ABCD2: variants seen among roughly 807,000 people sequenced by gnomAD.
ABCD2 encodes ATP-binding cassette sub-family D member 2.
Under a neutral mutation model 70.9 loss-of-function variants are expected in ABCD2, and 36 were observed. The ratio of observed to expected loss-of-function variants is 0.51; its 90% CI spans 0.39 to 0.67. The LOEUF (loss-of-function observed/expected upper bound fraction) is 0.67, where lower values mean the gene tolerates loss of function less well. Ranked by LOEUF, ABCD2 falls within the 30% of genes least tolerant of loss-of-function variation. The pLI, the probability that ABCD2 is intolerant of heterozygous loss-of-function variation, is 0.00. For missense variants in ABCD2, 729 were observed against 890.2 expected (o/e 0.82, Z 2.30); for synonymous variants, 304 against 306.9 (o/e 0.99, Z 0.10).
At chr12:39,606,381 G>A (rs1171721694) in intron 3 of ABCD2, among the ~76,000 whole-genome samples, 1 of 152,144 alleles carries the variant, frequency 6.6e-6, no homozygotes, top group Non-Finnish European at 1.5e-5. Context: ...ATTTTTAGAA[G>A]TGAACATTTT....
downstream of ABCD2, among the ~76,000 whole-genome samples, chr12:39,546,672 T>A (rs1941028131): frequency 6.6e-6 from 1 of 152,032 alleles, no homozygotes; most frequent in Non-Finnish European, 1.5e-5. Flanking sequence ...AGATACATGA[T>A]AAAAGGTAGC....
chr12:39,539,212 G>A, the ABCD2 span, among the ~76,000 whole-genome samples: 1 of 152,178 alleles, frequency 6.6e-6, no homozygotes, highest in Non-Finnish European at 1.5e-5. Context: ...TAACTCTAAA[G>A]AGGGTGGTGA....
At position 39,550,488 on chromosome 12, in the gene ABCD2, C is replaced by A. The variant is rs947344063; in HGVS notation, c.*3424G>T. On this transcript the variant is annotated 3_prime_UTR_variant, in exon 10 of 10. Transcript: ENST00000308666. ...ATACAATTCTGGCTTATAAATAGACCATTGGTTTTGAAAATTTCACAATAT... is the reference window on the plus strand; with the variant it reads ...ATACAATTCTGGCTTATAAATAGACAATTGGTTTTGAAAATTTCACAATAT... 1.3e-4 allele frequency: 20 copies of A among 151,636 alleles called. No individual in the cohort carries two copies. The highest frequency in any genetic ancestry group is 4.6e-4 in the African/African-American group (19 of 41,374). 9.4% of individuals were successfully genotyped at this position (151,636 alleles called of 1,614,324 possible).
Position 39,553,856 on chromosome 12 carries a change from CAG to C in ABCD2, c.*54_*55del. 1 of 1,321,906 alleles carries C rather than the reference CAG, an allele frequency of 7.6e-7. No individual in the cohort carries two copies. Among genetic ancestry groups the C allele is most frequent in the Non-Finnish European group, 1.1e-6 (1 of 952,288 alleles). The allele number at this position is 1,321,906 out of a possible 1,614,324, so 81.9% of individuals were successfully genotyped here. On this transcript the variant is annotated 3_prime_UTR_variant, in exon 10 of 10. Coordinates refer to ENST00000308666, the MANE Select transcript of ABCD2 (RefSeq NM_005164.4). ...GCTTAACATACTTCATGCAGTATAA[CAG>C]AATGTCTTTGAGCCTTTATCTAATA...
intron 9 of ABCD2, among the ~76,000 whole-genome samples, chr12:39,560,018 T>G (rs1046567712): frequency 2.0e-4 from 30 of 152,226 alleles, no homozygotes; most frequent in African/African-American, 7.0e-4. Flanking sequence ...CTTATTTCTT[T>G]TTTTTATTAT....
chr12:39,575,351 G>C (rs1941501903), intron 8 of ABCD2, among the ~76,000 whole-genome samples: 1 of 152,086 alleles, frequency 6.6e-6, no homozygotes, highest in East Asian at 1.9e-4. Context: ...GGCAGGGCTG[G>C]TGTGTGTCTG....
At chr12:39,616,474 C>T (rs1169842847) in intron 2 of ABCD2, among the ~76,000 whole-genome samples, 1 of 151,996 alleles carries the variant, frequency 6.6e-6, no homozygotes, top group South Asian at 2.1e-4. Flanking sequence ...AGCAGAGGAG[C>T]CCTTATTCCA....
intron 9 of ABCD2, among the ~76,000 whole-genome samples, chr12:39,563,267 G>A (rs1285503049): frequency 6.6e-6 from 1 of 152,152 alleles, no homozygotes; most frequent in Non-Finnish European, 1.5e-5. Context: ...GCTCATGCCT[G>A]TAAATCTTAG....
Position 39,552,738 on chromosome 12 carries a change from TAA to T in ABCD2, c.*1172_*1173del, listed in dbSNP as rs1423709782. 1 of 151,944 alleles carries T rather than the reference TAA, an allele frequency of 6.6e-6. No homozygotes were observed. Among genetic ancestry groups the T allele is most frequent in the Non-Finnish European group, 1.5e-5 (1 of 67,878 alleles). 9.4% of individuals were successfully genotyped at this position (151,944 alleles called of 1,614,324 possible). On this transcript the variant is annotated 3_prime_UTR_variant, in exon 10 of 10. Transcript: ENST00000308666. ...CTTGTAAACAATAACCAAATAACAA[TAA>T]GACTAACATTATGAAATTTATTTTA...
At chr12:39,534,754 A>AAAG in the ABCD2 span, among the ~76,000 whole-genome samples, 1 of 95,356 alleles carries the variant, frequency 1.0e-5, no homozygotes, top group African/African-American at 3.7e-5. Context: ...GAAGGAAAGA[A>AAAG]AGAAAGAGAA....
chr12:39,567,704 C>A (rs184007112), intron 9 of ABCD2, among the ~76,000 whole-genome samples: 5 of 152,298 alleles, frequency 3.3e-5, no homozygotes, highest in Non-Finnish European at 7.3e-5. Flanking sequence ...TTAGTTGATG[C>A]AATTTCTTCC....
At chr12:39,594,339 T>C (rs1169354690) in intron 6 of ABCD2, among the ~76,000 whole-genome samples, 1 of 133,960 alleles carries the variant, frequency 7.5e-6, no homozygotes, top group Non-Finnish European at 1.5e-5. Context: ...TACAGAAAAA[T>C]AAGAAACTTA....
intron 9 of ABCD2, among the ~76,000 whole-genome samples, chr12:39,562,632 T>C (rs899288350): frequency 7.9e-5 from 12 of 152,082 alleles, no homozygotes; most frequent in African/African-American, 2.7e-4. Context: ...GATTGAACTA[T>C]GAAGAAACAG....
chr12:39,575,831 C>T (rs1315811163), intron 8 of ABCD2, among the ~76,000 whole-genome samples: 1 of 152,200 alleles, frequency 6.6e-6, no homozygotes, highest in East Asian at 1.9e-4. Flanking sequence ...TTTCTTTCCA[C>T]TGATATACTT....
chr12:39,588,973 A>G (rs1941705421), intron 6 of ABCD2, among the ~76,000 whole-genome samples: 1 of 152,210 alleles, frequency 6.6e-6, no homozygotes, highest in African/African-American at 2.4e-5. Context: ...TATTTTAGAT[A>G]CTAATATATA....
intron 3 of ABCD2, among the ~76,000 whole-genome samples, chr12:39,605,553 T>C (rs1941958614): frequency 6.6e-6 from 1 of 152,042 alleles, no homozygotes; most frequent in Admixed American, 6.6e-5. Flanking sequence ...CTAGGTAAGA[T>C]TATAAGATGA....
At chr12:39,593,619 G>A (rs554627890) in intron 6 of ABCD2, among the ~76,000 whole-genome samples, 2 of 152,286 alleles carry the variant, frequency 1.3e-5, no homozygotes, top group East Asian at 3.9e-4. Flanking sequence ...GCACAGGGCA[G>A]TTGTGCCAAT....
intron 6 of ABCD2, among the ~76,000 whole-genome samples, chr12:39,588,851 T>C (rs1313407417): frequency 2.6e-5 from 4 of 151,862 alleles, no homozygotes; most frequent in Non-Finnish European, 4.4e-5. Flanking sequence ...TAAAAGAAAC[T>C]ATAATAAATA....
chr12:39,605,834 TACA>T (rs143310566), intron 3 of ABCD2, among the ~76,000 whole-genome samples: 3,242 of 152,186 alleles, frequency 0.021, 58 homozygotes, highest in Middle Eastern at 0.092. Flanking sequence ...TGCGGAAAAA[TACA>T]ACAATGCTGA....
Sources: allele counts gnomAD v4.1 joint callset (sites outside exome capture counted in the v4.1 genomes callset), GRCh38; gene constraint gnomAD v4.1.1; transcripts MANE v1.5; gene names NCBI Gene and HGNC (gene_info 2026-07-23, HGNC 2026-07-21).